The following AMMECR1 variants were observed in gnomAD, a reference collection of about 807,000 sequenced individuals.
AMMECR1 encodes the protein nuclear protein AMMECR1.
In AMMECR1, 3 loss-of-function variants were observed where a neutral mutation model predicts 22.5. The ratio of observed to expected loss-of-function variants is 0.13; its 90% CI spans 0.06 to 0.35. AMMECR1 has a LOEUF of 0.35. AMMECR1 is among the 10% of genes least tolerant of loss of function. The pLI, the probability that AMMECR1 is intolerant of heterozygous loss-of-function variation, is 1.00. For missense variants in AMMECR1, 235 were observed against 278.7 expected (o/e 0.84, Z 1.12); for synonymous variants, 130 against 116.7 (o/e 1.11, Z -0.74).
chrX:110,329,751 G>T (rs1050676456), intron 2 of AMMECR1, among the ~76,000 whole-genome samples: 8 of 112,124 alleles, frequency 7.1e-5, no homozygotes, highest in Admixed American at 3.8e-4. Flanking sequence ...GTCTACCTGG[G>T]TTGCTGAAAT....
In AMMECR1 at chrX:110,270,493, G is replaced by GA. The variant is rs966100016; in HGVS notation, c.474-5895dup. 3.0e-3 allele frequency among the ~76,000 whole-genome samples: 323 copies of GA among 108,325 alleles called. 1 individual carries two copies. The highest frequency in any genetic ancestry group is 9.3e-3 in the African/African-American group (279 of 29,889). 94.1% of individuals were successfully genotyped at this position (108,325 alleles called of 115,157 possible). On this transcript the variant is annotated intron_variant, in intron 1 of 5. Coordinates refer to ENST00000262844, the MANE Select transcript of AMMECR1 (RefSeq NM_015365.3). ...ATGGTTTTTTTTTCCCCCACTACAGGAAAAAAAAATGTGAGTGGCAAACCT... is the reference window on the plus strand; with the variant it reads ...ATGGTTTTTTTTTCCCCCACTACAGGAAAAAAAAAATGTGAGTGGCAAACCT...
chrX:110,429,042 C>T (rs1034739919), intron 1 of AMMECR1, among the ~76,000 whole-genome samples: 1 of 111,718 alleles, frequency 9.0e-6, no homozygotes, highest in Non-Finnish European at 1.9e-5. Flanking sequence ...TCTCTTCTAC[C>T]CCACTAGCCA....
chrX:110,290,699 GAAGTT>G (rs961918326), intron 1 of AMMECR1, among the ~76,000 whole-genome samples: 3 of 111,259 alleles, frequency 2.7e-5, no homozygotes, highest in African/African-American at 9.8e-5. Flanking sequence ...ATGGCATACA[GAAGTT>G]AAGATCTGAT....
At chrX:110,264,825 G>T (rs1262934082) in intron 1 of AMMECR1, among the ~76,000 whole-genome samples, 3 of 111,335 alleles carry the variant, frequency 2.7e-5, no homozygotes, top group Non-Finnish European at 5.7e-5. Flanking sequence ...CTCAATAAAT[G>T]TTTTAAACAA....
At chrX:110,371,912 G>T (rs1260209483) in intron 2 of AMMECR1, among the ~76,000 whole-genome samples, 2 of 111,014 alleles carry the variant, frequency 1.8e-5, no homozygotes, top group Non-Finnish European at 1.9e-5. Flanking sequence ...TAAACAGTCC[G>T]TTCATTAAAC....
intron 2 of AMMECR1, among the ~76,000 whole-genome samples, chrX:110,256,855 G>A (rs1392314814): frequency 1.8e-5 from 2 of 111,212 alleles, no homozygotes; most frequent in Non-Finnish European, 3.8e-5. Flanking sequence ...ATATTCAATT[G>A]CTACACCAAA....
intron 2 of AMMECR1, among the ~76,000 whole-genome samples, chrX:110,216,856 A>G (rs1228279077): frequency 2.7e-5 from 3 of 111,405 alleles, no homozygotes; most frequent in African/African-American, 9.8e-5. Flanking sequence ...GACCACTTCA[A>G]TTGTAAAGAG....
intron 2 of AMMECR1, among the ~76,000 whole-genome samples, chrX:110,413,062 C>G (rs1415105743): frequency 9.0e-6 from 1 of 111,662 alleles, no homozygotes; most frequent in Non-Finnish European, 1.9e-5. Context: ...AAACGTTAAG[C>G]CTCCCTGCTC....
chrX:110,411,649 G>A (rs1005109586), intron 2 of AMMECR1, among the ~76,000 whole-genome samples: 2 of 112,094 alleles, frequency 1.8e-5, no homozygotes, highest in Non-Finnish European at 3.8e-5. Flanking sequence ...GATATCTCAT[G>A]CAAAGTGGAA....
chrX:110,231,371 AAAG>A (rs1318597677), intron 2 of AMMECR1, among the ~76,000 whole-genome samples: 2 of 112,385 alleles, frequency 1.8e-5, no homozygotes, highest in Non-Finnish European at 3.8e-5. Flanking sequence ...CAACATTCTT[AAAG>A]AAAAGAATTT....
chrX:110,403,907 C>T (rs1485374321), intron 2 of AMMECR1, among the ~76,000 whole-genome samples: 1 of 111,957 alleles, frequency 8.9e-6, no homozygotes, highest in East Asian at 2.8e-4. Flanking sequence ...ATTCTGAATT[C>T]CTTCAATTAT....
upstream of AMMECR1, chrX:110,318,229 G>GC (rs1171452496): frequency 5.9e-5 from 15 of 252,595 alleles, no homozygotes; most frequent in Non-Finnish European, 7.1e-5. Flanking sequence ...CCACGCGGCT[G>GC]CCCCGCGCGC....
At position 110,317,718 on chromosome X, in the gene AMMECR1, C is replaced by A. The variant is rs1408935324; in HGVS notation, c.354G>T (p.Ser118=). The change falls in exon 1 of 6, where the codon TCG becomes TCT. Residue 118 remains serine, a synonymous_variant. Transcript: ENST00000262844. ...ACACCACCATCTTCCGGGAGCCCGG[C>A]GATGAGGACGAGGCGGCGGACGATG... The part of the protein sequence containing the change: ...PSSSSAASSS[S]PGSRKMVVSA... The A allele has an allele frequency of 4.2e-6, 5 of 1,202,205 alleles. No homozygotes were observed. The highest frequency in any genetic ancestry group is 1.8e-5 in the South Asian group (1 of 55,370).
intron 2 of AMMECR1, among the ~76,000 whole-genome samples, chrX:110,398,244 C>A (rs1315204617): frequency 2.7e-5 from 3 of 112,075 alleles, no homozygotes; most frequent in Non-Finnish European, 5.6e-5. Flanking sequence ...GCTGGCACCA[C>A]AATCCAGAAA....
chrX:110,374,477 T>G (rs765547519), intron 2 of AMMECR1, among the ~76,000 whole-genome samples: 6 of 112,163 alleles, frequency 5.3e-5, no homozygotes, highest in Non-Finnish European at 9.4e-5. Flanking sequence ...TATTTGTGAC[T>G]GCATCACCAC....
At chrX:110,324,647 TG>T (rs1261957206) in intron 2 of AMMECR1, among the ~76,000 whole-genome samples, 75 of 103,902 alleles carry the variant, frequency 7.2e-4, no homozygotes, top group Non-Finnish European at 1.4e-3. Flanking sequence ...GTTTGTTGAG[TG>T]TTTTTTTTTT....
upstream of AMMECR1, chrX:110,318,216 T>G: frequency 9.0e-6 from 3 of 334,033 alleles, no homozygotes; most frequent in Non-Finnish European, 1.2e-5. Flanking sequence ...CCCGTCTGCC[T>G]AGCCACGCGG....
At chrX:110,325,192 G>A (rs1266713793) in intron 2 of AMMECR1, among the ~76,000 whole-genome samples, 2 of 111,751 alleles carry the variant, frequency 1.8e-5, no homozygotes, top group South Asian at 3.7e-4. Context: ...TTCATAGTGT[G>A]TTTATGGAGT....
intron 1 of AMMECR1, among the ~76,000 whole-genome samples, chrX:110,315,891 C>T (rs140958814): frequency 8.9e-6 from 1 of 112,260 alleles, no homozygotes; most frequent in African/African-American, 3.2e-5. Flanking sequence ...ATAAGTGACT[C>T]AAGCTAATAA....
Sources: gnomAD v4.1 joint callset for allele counts (sites outside exome capture counted in the v4.1 genomes callset) on GRCh38, gnomAD v4.1.1 for gene constraint, MANE v1.5 for transcripts, NCBI Gene and HGNC (gene_info 2026-07-23, HGNC 2026-07-21) for gene names.